XIST: variants seen among roughly 807,000 people sequenced by gnomAD.
XIST encodes the protein X inactive specific transcript.
chrX:73,847,874 A>G (rs1301517935), exon 1 of XIST: 1 of 559,108 alleles, frequency 1.8e-6, no homozygotes, highest in Non-Finnish European at 3.2e-6. Flanking sequence ...AGTCCCAGGG[A>G]AAGGTAACAT....
At chrX:73,835,614 C>A (rs770522146) in intron 2 of XIST, among the ~76,000 whole-genome samples, 4 of 112,134 alleles carry the variant, frequency 3.6e-5, no homozygotes, top group African/African-American at 1.3e-4. Context: ...TTTGTTCATA[C>A]ACTTTAACTT....
exon 1 of XIST, chrX:73,849,000 G>A (rs1460072607): frequency 1.8e-6 from 1 of 558,908 alleles, no homozygotes; most frequent in African/African-American, 2.2e-5. Context: ...GAATGAGTCA[G>A]TCCCACTGCT....
exon 6 of XIST, chrX:73,825,562 A>T: frequency 1.9e-6 from 1 of 515,332 alleles, no homozygotes; most frequent in Non-Finnish European, 3.5e-6. Flanking sequence ...CAAATAATAC[A>T]TCAGGGGGTG....
chrX:73,846,487 T>C (rs750154325), exon 1 of XIST: 2 of 559,076 alleles, frequency 3.6e-6, no homozygotes, highest in Non-Finnish European at 6.5e-6. Context: ...GACTGCGTTA[T>C]CAGCAACCCT....
chrX:73,844,661 A>C (rs1922686273), exon 1 of XIST: 1 of 558,378 alleles, frequency 1.8e-6, no homozygotes, highest in African/African-American at 2.2e-5. Flanking sequence ...GGGGCAGAGG[A>C]GGCTTCCTTG....
chrX:73,827,777 C>T (rs777848896), exon 6 of XIST: 2 of 541,277 alleles, frequency 3.7e-6, no homozygotes, highest in Non-Finnish European at 6.7e-6. Flanking sequence ...AGAGCCACAT[C>T]TAGGAGAGCA....
At chrX:73,824,198 C>T in exon 6 of XIST, 1 of 515,459 alleles carries the variant, frequency 1.9e-6, no homozygotes, top group Non-Finnish European at 3.5e-6. Flanking sequence ...ATCCCCAATG[C>T]CTAGCAATGA....
exon 6 of XIST, chrX:73,821,040 A>G: frequency 1.8e-6 from 1 of 559,015 alleles, no homozygotes; most frequent in South Asian, 2.2e-5. Flanking sequence ...CTGTGAAAGG[A>G]AGGCTTTTAG....
At chrX:73,829,821 C>T (rs1012310379) in intron 4 of XIST, among the ~76,000 whole-genome samples, 1 of 107,287 alleles carries the variant, frequency 9.3e-6, no homozygotes, top group African/African-American at 3.4e-5. Context: ...AGACTTCCAT[C>T]CTGTTTTAAG....
exon 1 of XIST, chrX:73,847,179 T>A: frequency 1.8e-6 from 1 of 558,999 alleles, no homozygotes; most frequent in Non-Finnish European, 3.2e-6. Context: ...CAAATATAAG[T>A]ATGCACATTA....
Position 73,841,244 on chromosome X carries a change from C to CTA in XIST, n.11342+136_11342+137dup, listed in dbSNP as rs1225864376. The stretch of plus-strand genomic sequence containing the variant: ...TGTATGTATGTATCTATTTCTCTCT[C>CTA]TATATATATATATTGCAGATGAGGT... On this transcript the variant is annotated intron_variant and non_coding_transcript_variant, in intron 1 of 5. Coordinates refer to ENST00000429829, the Ensembl canonical transcript of XIST. The CTA allele has an allele frequency of 3.0e-4, 112 of 372,662 alleles. 1 individual carries two copies. The highest frequency in any genetic ancestry group is 4.9e-4 in the Admixed American group (10 of 20,219). 30.7% of individuals were successfully genotyped at this position (372,662 alleles called of 1,213,427 possible).
chrX:73,838,812 C>T (rs1314715022), intron 1 of XIST, among the ~76,000 whole-genome samples: 1 of 111,361 alleles, frequency 9.0e-6, no homozygotes, highest in Non-Finnish European at 1.9e-5. Flanking sequence ...TGAAGGAAAC[C>T]TGTGTAAAAT....
chrX:73,822,629 A>G (rs772492982), exon 6 of XIST: 3 of 517,608 alleles, frequency 5.8e-6, no homozygotes, highest in African/African-American at 4.6e-5. Context: ...ATTTAACAAA[A>G]TGGTTGAGAT....
chrX:73,833,254 C>G (rs1263186889), exon 3 of XIST: 2 of 557,741 alleles, frequency 3.6e-6, no homozygotes, highest in Non-Finnish European at 6.5e-6. Context: ...CTCCAGATAG[C>G]TGGCAACCCA....
chrX:73,832,338 A>G lies in XIST; in HGVS notation n.11543+900T>C, dbSNP rs746666769. Among the ~76,000 whole-genome samples, 4 of 111,385 alleles carry G rather than the reference A, an allele frequency of 3.6e-5. No homozygotes were observed. The East Asian group carries it at 1.1e-3, about 31-fold the overall frequency. On this transcript the variant is annotated intron_variant and non_coding_transcript_variant, in intron 3 of 5. Coordinates refer to ENST00000429829, the Ensembl canonical transcript of XIST. ...AACAAGAGCGAAACTGCGAAAAAAA[A>G]AAAATACACGCCACAAAAACAGTTA...
chrX:73,850,956 CTGGGAGA>C (rs1922922010), exon 1 of XIST: 1 of 557,472 alleles, frequency 1.8e-6, no homozygotes, highest in African/African-American at 2.2e-5. Flanking sequence ...GTACCGCCCA[CTGGGAGA>C]CATACACGTG....
chrX:73,836,499 G>A (rs1243352411), intron 2 of XIST, among the ~76,000 whole-genome samples: 4 of 111,695 alleles, frequency 3.6e-5, no homozygotes, highest in Non-Finnish European at 7.5e-5. Context: ...AGACTATAAT[G>A]ATCCATGTGG....
exon 6 of XIST, chrX:73,822,375 C>T (rs1275465557): frequency 7.6e-6 from 4 of 529,756 alleles, no homozygotes; most frequent in Non-Finnish European, 1.4e-5. Flanking sequence ...CTAAGCCATG[C>T]CCCTAACAAG....
exon 6 of XIST, chrX:73,823,437 G>A (rs749192670): frequency 5.8e-6 from 3 of 513,133 alleles, no homozygotes; most frequent in East Asian, 7.2e-5. Context: ...TCAAACCAAA[G>A]ATGTTCTTCT....
Sources: gnomAD v4.1 joint callset for allele counts (sites outside exome capture counted in the v4.1 genomes callset) on GRCh38, gnomAD v4.1.1 for gene constraint, MANE v1.5 for transcripts, NCBI Gene and HGNC (gene_info 2026-07-23, HGNC 2026-07-21) for gene names.